SGPP1: variants seen among roughly 807,000 people sequenced by gnomAD.
The protein encoded by SGPP1 is hSPP1.
Under a neutral mutation model 33.0 loss-of-function variants are expected in SGPP1, and 21 were observed. The observed-to-expected ratio is 0.64, with a 90% confidence interval of 0.45 to 0.92. The LOEUF (loss-of-function observed/expected upper bound fraction) is 0.92. Among genes scored for constraint, SGPP1 ranks in the 40% least tolerant of loss-of-function variants. The probability of loss-of-function intolerance (pLI) is 0.00; values close to 1 mark genes in which losing one functional copy is unlikely to be tolerated. For synonymous variants in SGPP1, 239 were observed against 241.2 expected (o/e 0.99, Z 0.08); for missense variants, 543 against 589.4 (o/e 0.92, Z 0.81).
At chr14:63,696,577 T>G (rs1885190596) in intron 2 of SGPP1, among the ~76,000 whole-genome samples, 1 of 152,224 alleles carries the variant, frequency 6.6e-6, no homozygotes, top group Non-Finnish European at 1.5e-5. Context: ...AATATGATAC[T>G]TAATCTGATT....
At chr14:63,718,247 C>CA (rs36009863) in intron 1 of SGPP1, among the ~76,000 whole-genome samples, 1,686 of 103,588 alleles carry the variant, frequency 0.016, 17 homozygotes, top group African/African-American at 0.035. Context: ...GACTCCATCT[C>CA]AAAAAAAAAA....
intron 2 of SGPP1, among the ~76,000 whole-genome samples, chr14:63,690,248 G>C (rs1034224312): frequency 1.3e-5 from 2 of 152,128 alleles, no homozygotes; most frequent in African/African-American, 4.8e-5. Context: ...TTGTCATGTT[G>C]CCAAGGCTGG....
chr14:63,724,991 G>GAA (rs141340040), intron 1 of SGPP1, among the ~76,000 whole-genome samples: 1 of 146,770 alleles, frequency 6.8e-6, no homozygotes, highest in African/African-American at 2.5e-5. Context: ...GACTCTTAGG[G>GAA]AAAAAAAAAA....
intron 1 of SGPP1, among the ~76,000 whole-genome samples, chr14:63,721,921 T>C (rs758451481): frequency 2.6e-5 from 4 of 152,232 alleles, no homozygotes; most frequent in African/African-American, 4.8e-5. Flanking sequence ...TCAAGGTATA[T>C]AAAAGCTATT....
chr14:63,694,060 G>A (rs1045005747), intron 2 of SGPP1, among the ~76,000 whole-genome samples: 15 of 152,072 alleles, frequency 9.9e-5, no homozygotes, highest in Admixed American at 3.3e-4. Flanking sequence ...CGAGTGGATC[G>A]CTTGAGCTCA....
chr14:63,714,641 G>A (rs1035019902), intron 1 of SGPP1, among the ~76,000 whole-genome samples: 27 of 151,328 alleles, frequency 1.8e-4, no homozygotes, highest in Non-Finnish European at 3.2e-4. Flanking sequence ...GGCTGGTCTC[G>A]AACTCCTGGC....
At chr14:63,696,183 A>G (rs1377319368) in intron 2 of SGPP1, among the ~76,000 whole-genome samples, 1 of 151,304 alleles carries the variant, frequency 6.6e-6, no homozygotes, top group East Asian at 2.0e-4. Context: ...AGCTATTTGG[A>G]AGAATCCCTT....
chr14:63,702,978 T>A (rs952157571), intron 1 of SGPP1, among the ~76,000 whole-genome samples: 15 of 152,130 alleles, frequency 9.9e-5, no homozygotes, highest in Non-Finnish European at 7.4e-5. Context: ...AAACAGTATA[T>A]ATAGCGTTGA....
intron 1 of SGPP1, among the ~76,000 whole-genome samples, chr14:63,726,831 T>C (rs1196395316): frequency 6.6e-6 from 1 of 152,214 alleles, no homozygotes; most frequent in Non-Finnish European, 1.5e-5. Context: ...GTAAAGCTAA[T>C]GACTTTACCT....
At position 63,727,862 on chromosome 14, in the gene SGPP1, C is replaced by T. The variant is rs1266091731; in HGVS notation, c.83G>A (p.Gly28Glu). ...TGAGCGGCGCGGCGGCGCTTCCACC[C>T]CGCACAGCCGCTGGAAACGGGCCAC... ...QKVARFQRLC[G>E]VEAPPRRSAD... The change falls in exon 1 of 3, where the codon GGG (glycine) becomes GAG (glutamate). Residue 28 changes from glycine (G) to glutamate (E), a missense_variant. Transcript: ENST00000247225. 3.9e-6 allele frequency: 6 copies of T among 1,520,482 alleles called. No individual in the cohort carries two copies. Among genetic ancestry groups the T allele is most frequent in the Non-Finnish European group, 5.3e-6 (6 of 1,140,530 alleles). 94.2% of individuals were successfully genotyped at this position (1,520,482 alleles called of 1,614,324 possible).
At chr14:63,718,506 T>C (rs572961273) in intron 1 of SGPP1, among the ~76,000 whole-genome samples, 2 of 152,164 alleles carry the variant, frequency 1.3e-5, no homozygotes, top group South Asian at 2.1e-4. Context: ...ATATCATACA[T>C]TGGAACATTA....
Position 63,691,834 on chromosome 14 carries a change from CTTA to C in SGPP1, c.775-5181_775-5179del, listed in dbSNP as rs552043235. On this transcript the variant is annotated intron_variant, in intron 2 of 2. Transcript: ENST00000247225. ...GACTACTCAAAGGCAAAGACTTTAC[CTTA>C]TTTATACATATATTTTCAGTGCATG... 1.3e-3 allele frequency among the ~76,000 whole-genome samples: 194 copies of C among 151,936 alleles called. 3 individuals carry two copies. The highest frequency in any genetic ancestry group is 1.8e-3 in the Non-Finnish European group (122 of 67,998).
intron 1 of SGPP1, among the ~76,000 whole-genome samples, chr14:63,725,632 A>T (rs931352880): frequency 1.3e-5 from 2 of 152,218 alleles, no homozygotes; most frequent in Admixed American, 6.5e-5. Flanking sequence ...GCTTATTCTG[A>T]TAATTCAAAT....
Position 63,686,386 on chromosome 14 carries a change from T to A in SGPP1, c.1045A>T (p.Thr349Ser). The change falls in exon 3 of 3, where the codon ACA becomes TCA. Residue 349 changes from threonine (T) to serine (S), a missense_variant. Coordinates refer to ENST00000247225, the MANE Select transcript of SGPP1 (RefSeq NM_030791.4). ...ATGGGGGGCCCAGCTAAAGGTAATG[T>A]ATCTAGAGAAGGATCTAATACTAGA... is the stretch of plus-strand genomic sequence containing the variant. ...MGLVLDPSLD[T>S]LPLAGPPITV... 1 of 1,614,182 alleles carries A rather than the reference T, an allele frequency of 6.2e-7. No homozygotes were observed. Among genetic ancestry groups the A allele is most frequent in the Non-Finnish European group, 8.5e-7 (1 of 1,180,020 alleles).
intron 1 of SGPP1, among the ~76,000 whole-genome samples, chr14:63,717,854 A>G (rs950241973): frequency 1.3e-5 from 2 of 152,210 alleles, no homozygotes; most frequent in African/African-American, 4.8e-5. Context: ...AGAATAAAAA[A>G]TACATATTAA....
intron 1 of SGPP1, among the ~76,000 whole-genome samples, chr14:63,708,406 C>G (rs1433494920): frequency 6.6e-6 from 1 of 151,704 alleles, no homozygotes; most frequent in Non-Finnish European, 1.5e-5. Context: ...CAGGTGCCCA[C>G]CACCATGCCC....
At chr14:63,699,874 AT>A (rs746858521) in intron 1 of SGPP1, among the ~76,000 whole-genome samples, 14 of 151,762 alleles carry the variant, frequency 9.2e-5, no homozygotes, top group Non-Finnish European at 1.5e-4. Context: ...TTTTTGCTGC[AT>A]TTCCCACACA....
chr14:63,689,868 T>C (rs1332261684), intron 2 of SGPP1, among the ~76,000 whole-genome samples: 1 of 152,202 alleles, frequency 6.6e-6, no homozygotes, highest in African/African-American at 2.4e-5. Context: ...CAGTCTCTTT[T>C]GAACTGCTTT....
intron 2 of SGPP1, among the ~76,000 whole-genome samples, chr14:63,697,694 AG>A (rs1312730876): frequency 6.6e-6 from 1 of 152,186 alleles, no homozygotes; most frequent in Non-Finnish European, 1.5e-5. Flanking sequence ...TAAGGCTTTG[AG>A]GGGTTAAGAA....
Sources: allele counts gnomAD v4.1 joint callset (sites outside exome capture counted in the v4.1 genomes callset), GRCh38; gene constraint gnomAD v4.1.1; transcripts MANE v1.5; gene names NCBI Gene and HGNC (gene_info 2026-07-23, HGNC 2026-07-21).